The following RTN1 variants were observed in gnomAD, a reference collection of about 807,000 sequenced individuals.
The protein encoded by RTN1 is reticulon-1.
In RTN1, 25 loss-of-function variants were observed where a neutral mutation model predicts 65.5. The ratio of observed to expected loss-of-function variants is 0.38; its 90% CI spans 0.28 to 0.53. RTN1 has a LOEUF of 0.53. Ranked by LOEUF, RTN1 falls within the 20% of genes least tolerant of loss-of-function variation. The probability of loss-of-function intolerance (pLI) is 0.79; values close to 1 mark genes in which losing one functional copy is unlikely to be tolerated. For missense variants in RTN1, 983 were observed against 1,025.4 expected (o/e 0.96, Z 0.57); for synonymous variants, 471 against 447.6 (o/e 1.05, Z -0.66).
At chr14:59,799,153 A>G (rs1302768588) in intron 1 of RTN1, among the ~76,000 whole-genome samples, 3 of 152,226 alleles carry the variant, frequency 2.0e-5, no homozygotes, top group African/African-American at 7.2e-5. Context: ...GTGATTTGAG[A>G]TGAAAGAAAA....
intron 1 of RTN1, among the ~76,000 whole-genome samples, chr14:59,843,571 T>C (rs1887352937): frequency 6.6e-6 from 1 of 152,236 alleles, no homozygotes; most frequent in Admixed American, 6.5e-5. Flanking sequence ...CTTATATACC[T>C]GTTACTAACA....
At chr14:59,793,636 C>CCACACACACACACA (rs766243780) in intron 1 of RTN1, among the ~76,000 whole-genome samples, 2 of 144,216 alleles carry the variant, frequency 1.4e-5, no homozygotes, top group Admixed American at 6.9e-5. Flanking sequence ...CAGGCACACA[C>CCACACACACACACA]CACACACACA....
rs1338797458 is a variant in RTN1, at chr14:59,749,202, ATATATATCTATATATATC to A, written c.242-2739_242-2722del. Reference sequence around the variant, plus strand: ...TATATATCTATCTATATATATCTATATATATATCTATATATATCTATATATCTATATATATCTATATAT... The same window carrying A: ...TATATATCTATCTATATATATCTATATATATATCTATATATATCTATATAT... On this transcript the variant is annotated intron_variant, in intron 1 of 8. Transcript: ENST00000267484. Among the ~76,000 whole-genome samples, 5 of 81,836 alleles carry A rather than the reference ATATATATCTATATATATC, an allele frequency of 6.1e-5. 1 individual carries two copies. The highest frequency in any genetic ancestry group is 3.1e-4 in the Admixed American group (2 of 6,552). 53.7% of individuals were successfully genotyped at this position (81,836 alleles called of 152,430 possible).
intron 1 of RTN1, among the ~76,000 whole-genome samples, chr14:59,835,414 G>T (rs1319872745): frequency 6.6e-6 from 1 of 152,024 alleles, no homozygotes; most frequent in Non-Finnish European, 1.5e-5. Flanking sequence ...CTGTACACAG[G>T]TCAAAGTTAT....
chr14:59,768,719 C>T (rs1172916943), intron 1 of RTN1, among the ~76,000 whole-genome samples: 2 of 148,882 alleles, frequency 1.3e-5, no homozygotes, highest in Non-Finnish European at 2.9e-5. Flanking sequence ...CCATGTGTCT[C>T]GCTGTTAAAA....
At chr14:59,783,667 C>A (rs1327120721) in intron 1 of RTN1, among the ~76,000 whole-genome samples, 1 of 152,100 alleles carries the variant, frequency 6.6e-6, no homozygotes, top group African/African-American at 2.4e-5. Flanking sequence ...TGAGAGCAAG[C>A]CTTCTGCTTT....
At chr14:59,725,738 A>G (rs1566699952) in intron 3 of RTN1, among the ~76,000 whole-genome samples, 1 of 152,220 alleles carries the variant, frequency 6.6e-6, no homozygotes, top group Non-Finnish European at 1.5e-5. Context: ...CCTCTATTCT[A>G]TTCCAATGTG....
At chr14:59,843,978 T>C (rs1434134613) in intron 1 of RTN1, among the ~76,000 whole-genome samples, 3 of 152,196 alleles carry the variant, frequency 2.0e-5, no homozygotes, top group Non-Finnish European at 4.4e-5. Context: ...TTTGTATTTG[T>C]CCTTAATTTG....
chr14:59,759,048 G>A (rs1352132148), intron 1 of RTN1, among the ~76,000 whole-genome samples: 1 of 152,082 alleles, frequency 6.6e-6, no homozygotes, highest in Non-Finnish European at 1.5e-5. Flanking sequence ...ATCTGCTGAT[G>A]GATAATAATG....
intron 3 of RTN1, among the ~76,000 whole-genome samples, chr14:59,689,206 A>C (rs1023426044): frequency 6.6e-6 from 1 of 152,156 alleles, no homozygotes. Flanking sequence ...AAGCAGAAGA[A>C]AGAATTTCAG....
intron 3 of RTN1, among the ~76,000 whole-genome samples, chr14:59,672,109 C>A (rs1247527026): frequency 6.6e-6 from 1 of 152,104 alleles, no homozygotes; most frequent in Non-Finnish European, 1.5e-5. Context: ...AAGCTACAGG[C>A]AGGGAAGAGT....
intron 4 of RTN1, 123 bp downstream of exon 4, chr14:59,607,162 G>A: frequency 1.3e-6 from 1 of 746,608 alleles, no homozygotes; most frequent in Non-Finnish European, 2.2e-6. Context: ...GGTGTTAGGG[G>A]AGACTCTAAG....
chr14:59,607,225 T>C, intron 4 of RTN1, 60 bp downstream of exon 4: 3 of 1,470,400 alleles, frequency 2.0e-6, no homozygotes, highest in Non-Finnish European at 1.9e-6. Context: ...TGAGCTGAAA[T>C]ACAGGTGAGG....
chr14:59,843,387 G>A (rs1336595810), intron 1 of RTN1, among the ~76,000 whole-genome samples: 2 of 152,186 alleles, frequency 1.3e-5, no homozygotes, highest in African/African-American at 2.4e-5. Flanking sequence ...CCTGATCTGG[G>A]TGGTTACAAG....
At chr14:59,834,333 C>A (rs574948905) in intron 1 of RTN1, among the ~76,000 whole-genome samples, 2 of 152,102 alleles carry the variant, frequency 1.3e-5, no homozygotes. Flanking sequence ...ACCAAAAGCA[C>A]ATTCCATAAA....
intron 1 of RTN1, among the ~76,000 whole-genome samples, chr14:59,824,931 T>TA (rs1051450697): frequency 6.6e-6 from 1 of 152,134 alleles, no homozygotes; most frequent in African/African-American, 2.4e-5. Flanking sequence ...TGTAGAATCT[T>TA]AAAAAGCTGA....
intron 3 of RTN1, among the ~76,000 whole-genome samples, chr14:59,630,055 C>T (rs1252425584): frequency 1.3e-5 from 2 of 152,140 alleles, no homozygotes; most frequent in Admixed American, 6.5e-5. Flanking sequence ...CAGGAGATTT[C>T]AACCTTTGGG....
At chr14:59,759,171 A>T (rs377567763) in intron 1 of RTN1, among the ~76,000 whole-genome samples, 1 of 152,202 alleles carries the variant, frequency 6.6e-6, no homozygotes, top group African/African-American at 2.4e-5. Flanking sequence ...TCTTTAGGTC[A>T]TCTAATGCAA....
At chr14:59,680,110 C>A (rs1883714484) in intron 3 of RTN1, among the ~76,000 whole-genome samples, 1 of 152,174 alleles carries the variant, frequency 6.6e-6, no homozygotes, top group Non-Finnish European at 1.5e-5. Flanking sequence ...GCCATGGGAG[C>A]TGAGCAGTGC....
Sources: gnomAD v4.1 joint callset for allele counts (sites outside exome capture counted in the v4.1 genomes callset) on GRCh38, gnomAD v4.1.1 for gene constraint, MANE v1.5 for transcripts, NCBI Gene and HGNC (gene_info 2026-07-23, HGNC 2026-07-21) for gene names.